PDLIM3: variants seen among roughly 807,000 people sequenced by gnomAD.
PDLIM3 encodes the protein PDZ and LIM domain protein 3.
A neutral mutation model predicts 37.3 loss-of-function variants in PDLIM3; 36 were observed. The ratio of observed to expected loss-of-function variants is 0.97; its 90% CI spans 0.74 to 1.28. The LOEUF is 1.28. PDLIM3 is among the 50% of genes most tolerant of loss of function. PDLIM3 has a pLI of 0.00. For synonymous variants in PDLIM3, 174 were observed against 182.4 expected (o/e 0.95, Z 0.37); for missense variants, 454 against 485.0 (o/e 0.94, Z 0.60).
rs1296654063 is a variant in PDLIM3 at position 185,501,884 on chromosome 4, C to T, written c.*410G>A. 1 of 287,960 alleles carries T rather than the reference C, an allele frequency of 3.5e-6. No homozygotes were observed. Among genetic ancestry groups the T allele is most frequent in the Non-Finnish European group, 6.7e-6 (1 of 148,176 alleles). The allele number at this position is 287,960 out of a possible 1,614,324, so 17.8% of individuals were successfully genotyped here. On this transcript the variant is annotated 3_prime_UTR_variant, in exon 8 of 8. Coordinates refer to ENST00000284767, the MANE Select transcript of PDLIM3 (RefSeq NM_014476.6). ...TAGTTAAAACACATACAGACAACTG[C>T]AGATTATGTTAGAATACAAGATTGT...
rs1561194926 is a variant in PDLIM3 at position 185,513,172 on chromosome 4, T to TG, written c.398+1097_398+1098insC. ...CCCTGCAGACACTGAGCTCACGTTC[T>TG]AGGGGGGGGAAGATGTGTTTGCTCA... On this transcript the variant is annotated intron_variant, in intron 4 of 7. Transcript: ENST00000284767. The TG allele has an allele frequency of 1.3e-5, 13 of 984,154 alleles. No individual in the cohort carries two copies. The Admixed American group carries it at 3.7e-4, about 28-fold the overall frequency. The allele number at this position is 984,154 out of a possible 1,614,324, so 61.0% of individuals were successfully genotyped here. A position where few individuals can be genotyped will look rare whatever the true frequency, so the allele number is the denominator to read the frequency against.
At chr4:185,506,166 G>A (rs2095696677) in intron 6 of PDLIM3, among the ~76,000 whole-genome samples, 1 of 152,198 alleles carries the variant, frequency 6.6e-6, no homozygotes, top group Non-Finnish European at 1.5e-5. Context: ...GCATTGTTTA[G>A]TTTTTGATGA....
Position 185,523,441 on chromosome 4 carries a change from T to G in PDLIM3, c.251A>C (p.Glu84Ala). Residue 84 changes from glutamate to alanine, a missense_variant, in exon 3 of 8, where the codon GAA becomes GCA. Coordinates refer to ENST00000284767, the MANE Select transcript of PDLIM3 (RefSeq NM_014476.6). ...HQLCLKIDRGETHLWSPQVSE... is the reference protein window; with the variant it reads ...HQLCLKIDRGATHLWSPQVSE... ...TACTTGTGGAGACCATAAGTGAGTT[T>G]CTCCCCTGGAAATAAAATAAAATTT... The G allele has an allele frequency of 6.3e-7, 1 of 1,592,748 alleles. No homozygotes were observed. The highest frequency in any genetic ancestry group is 8.6e-7 in the Non-Finnish European group (1 of 1,161,006).
chr4:185,532,536 A>AAAAATGGTATCAGGC (rs1173912613), intron 1 of PDLIM3, among the ~76,000 whole-genome samples: 1 of 152,178 alleles, frequency 6.6e-6, no homozygotes, highest in East Asian at 1.9e-4. Context: ...TGGTATCAGG[A>AAAAATGGTATCAGGC]GCAAAGACAC....
rs772550208 is a variant in PDLIM3, at chr4:185,514,271, T to C, written c.397A>G (p.Ser133Gly). The C allele has an allele frequency of 3.7e-6, 6 of 1,614,244 alleles. No homozygotes were observed. Among genetic ancestry groups the C allele is most frequent in the Non-Finnish European group, 5.1e-6 (6 of 1,180,034 alleles). Residue 133 changes from serine (S) to glycine (G), a missense_variant and splice_region_variant, in exon 4 of 8, where the codon AGT becomes GGT. Ser to Gly is a moderately conservative substitution (Grantham distance 56, BLOSUM62 0). Coordinates refer to ENST00000284767, the MANE Select transcript of PDLIM3 (RefSeq NM_014476.6). The surrounding 1 kb of genome is among the most constrained non-coding windows in gnomAD (Gnocchi z 4.0). ...CTCCACAGTCTCAGCGCTTATGACC[T>C]GCTTCGGCCCGGGATCACGAAAGGT... ...PKPFVIPGRS[S>G]GCSTPSGIDC...
chr4:185,531,146 A>C (rs574943122), intron 1 of PDLIM3, among the ~76,000 whole-genome samples: 8 of 152,324 alleles, frequency 5.3e-5, no homozygotes, highest in Admixed American at 2.0e-4. Context: ...AACGATTTGC[A>C]ACTTGTCTGT....
At chr4:185,503,785 C>G (rs967613752) in intron 7 of PDLIM3, among the ~76,000 whole-genome samples, 1 of 151,974 alleles carries the variant, frequency 6.6e-6, no homozygotes, top group Admixed American at 6.6e-5. Flanking sequence ...CCCTCTCTAC[C>G]AAAAATACAA....
intron 1 of PDLIM3, among the ~76,000 whole-genome samples, chr4:185,532,623 A>G (rs560817429): frequency 1.3e-5 from 2 of 152,332 alleles, no homozygotes; most frequent in African/African-American, 4.8e-5. Flanking sequence ...GGGAGAGACA[A>G]CAAAGGGAGA....
intron 3 of PDLIM3, among the ~76,000 whole-genome samples, chr4:185,518,246 G>A (rs1409417046): frequency 6.6e-6 from 1 of 152,192 alleles, no homozygotes; most frequent in Non-Finnish European, 1.5e-5. Context: ...CTCTGCTGAT[G>A]TTAAGAGGAT....
intron 1 of PDLIM3, among the ~76,000 whole-genome samples, 155 bp downstream of exon 1, chr4:185,535,187 C>T (rs1179522969): frequency 3.3e-5 from 5 of 152,174 alleles, no homozygotes; most frequent in Non-Finnish European, 7.4e-5. Context: ...CCGCCGCCCC[C>T]GGAGCTGGGC....
At position 185,535,200 on chromosome 4, in the gene PDLIM3, C is replaced by G. The variant is rs979461855; in HGVS notation, c.93+142G>C. Reference sequence around the variant, plus strand: ...TGCCGCCGCCCCCGGAGCTGGGCGCCGAAGCCCGGGAGCCAGCAGCGCCCC... The same window carrying G: ...TGCCGCCGCCCCCGGAGCTGGGCGCGGAAGCCCGGGAGCCAGCAGCGCCCC... On this transcript the variant is annotated intron_variant, in intron 1 of 7. Transcript: ENST00000284767. 9 of 659,384 alleles carry G rather than the reference C, an allele frequency of 1.4e-5. No homozygotes were observed. The African/African-American group carries it at 1.6e-4, about 11-fold the overall frequency. 40.8% of individuals were successfully genotyped at this position (659,384 alleles called of 1,614,324 possible).
At chr4:185,523,135 TGATGGGAG>T in intron 3 of PDLIM3, 1 of 482,480 alleles carries the variant, frequency 2.1e-6, no homozygotes, top group Non-Finnish European at 3.7e-6. Context: ...AAATTCTTTC[TGATGGGAG>T]CATATTTTGT....
intron 1 of PDLIM3, among the ~76,000 whole-genome samples, chr4:185,530,495 A>AG (rs1206262475): frequency 6.6e-6 from 1 of 152,166 alleles, no homozygotes; most frequent in East Asian, 1.9e-4. Flanking sequence ...AGGAGTGAAG[A>AG]GGGGGAAGAC....
At chr4:185,525,400 T>C (rs1312750221) in intron 1 of PDLIM3, among the ~76,000 whole-genome samples, 2 of 152,238 alleles carry the variant, frequency 1.3e-5, no homozygotes, top group African/African-American at 2.4e-5. Context: ...TTGTATCTGT[T>C]ACTCTCTTTT....
chr4:185,517,996 G>A (rs72715915), intron 3 of PDLIM3, among the ~76,000 whole-genome samples: 4,935 of 152,154 alleles, frequency 0.032, 124 homozygotes, highest in Non-Finnish European at 0.052. Context: ...ACAAGTAACT[G>A]AAAATGCCAG....
At position 185,502,019 on chromosome 4, in the gene PDLIM3, T is replaced by C; in HGVS notation, c.*275A>G. On this transcript the variant is annotated 3_prime_UTR_variant, in exon 8 of 8. Transcript: ENST00000284767. Reference sequence around the variant, plus strand: ...TGATGGCTGTAATATACATGTAAATTGTGGAGTATGACATACAAAAAATTA... The same window carrying C: ...TGATGGCTGTAATATACATGTAAATCGTGGAGTATGACATACAAAAAATTA... The C allele has an allele frequency of 2.1e-6, 1 of 482,332 alleles. No individual in the cohort carries two copies. Among genetic ancestry groups the C allele is most frequent in the Non-Finnish European group, 3.8e-6 (1 of 263,448 alleles). The allele number at this position is 482,332 out of a possible 1,614,324, so 29.9% of individuals were successfully genotyped here.
chr4:185,517,742 C>T (rs948531799), intron 3 of PDLIM3: 30 of 151,490 alleles, frequency 2.0e-4, no homozygotes, highest in African/African-American at 7.3e-4. Flanking sequence ...GTTTCTAATA[C>T]AGGCTGCAAA....
rs2095730589 is a variant in PDLIM3 at position 185,525,043 on chromosome 4, G to C, written c.222C>G (p.His74Gln). 6.2e-7 allele frequency: 1 copy of C among 1,614,026 alleles called. No homozygotes were observed. Among genetic ancestry groups the C allele is most frequent in the African/African-American group, 1.3e-5 (1 of 74,926 alleles). The change falls in exon 2 of 8, where the codon CAC becomes CAG. Residue 74 changes from histidine to glutamine, a missense_variant. His to Gln is a conservative substitution (Grantham distance 24, BLOSUM62 0). Coordinates refer to ENST00000284767, the MANE Select transcript of PDLIM3 (RefSeq NM_014476.6). ...ACCTGTCAATTTTGAGACACAGCTG[G>C]TGAGCTGCTGCTTTAATCCTGTCCT... is the stretch of plus-strand genomic sequence containing the variant. ...DAQDRIKAAA[H>Q]QLCLKIDRGE...
chr4:185,534,339 C>T (rs1281942067), intron 1 of PDLIM3, among the ~76,000 whole-genome samples: 1 of 151,940 alleles, frequency 6.6e-6, no homozygotes, highest in Non-Finnish European at 1.5e-5. Context: ...GAGAAGAATA[C>T]AAGAAAATAA....
Sources: gnomAD v4.1 joint callset for allele counts (sites outside exome capture counted in the v4.1 genomes callset) on GRCh38, gnomAD v4.1.1 for gene constraint, Gnocchi (gnomAD v3.1) non-coding constraint, MANE v1.5 for transcripts, NCBI Gene and HGNC (gene_info 2026-07-23, HGNC 2026-07-21) for gene names.